The following CCSER1 variants were observed in gnomAD, a reference collection of about 807,000 sequenced individuals.
The protein encoded by CCSER1 is coiled-coil serine rich protein 1, also known as serine-rich coiled-coil domain-containing protein 1.
Under a neutral mutation model 82.0 loss-of-function variants are expected in CCSER1, and 41 were observed. The observed-to-expected ratio is 0.50, with a 90% CI of 0.39 to 0.65. The LOEUF (loss-of-function observed/expected upper bound fraction) is 0.65. Ranked by LOEUF, CCSER1 falls within the 30% of genes least tolerant of loss-of-function variation. The probability of loss-of-function intolerance (pLI) is 0.00; values close to 1 mark genes in which losing one functional copy is unlikely to be tolerated. For missense variants in CCSER1, 1,119 were observed against 1,064.2 expected (o/e 1.05, Z -0.72); for synonymous variants, 414 against 383.9 (o/e 1.08, Z -0.92).
intron 10 of CCSER1, among the ~76,000 whole-genome samples, chr4:91,444,247 G>T (rs184294455): frequency 6.6e-6 from 1 of 152,126 alleles, no homozygotes; most frequent in Non-Finnish European, 1.5e-5. Flanking sequence ...GAAAAGCTTG[G>T]TAGCCACTTA....
chr4:90,199,902 A>G (rs948324961), intron 1 of CCSER1, among the ~76,000 whole-genome samples: 1 of 152,282 alleles, frequency 6.6e-6, no homozygotes, highest in South Asian at 2.1e-4. Flanking sequence ...TAGATTCGCT[A>G]AAGAAGTTTG....
chr4:91,528,709 C>A (rs1760887458), intron 10 of CCSER1, among the ~76,000 whole-genome samples: 1 of 151,840 alleles, frequency 6.6e-6, no homozygotes, highest in Non-Finnish European at 1.5e-5. Flanking sequence ...GTGTAGTAAC[C>A]CACTCCATGC....
intron 10 of CCSER1, among the ~76,000 whole-genome samples, chr4:91,594,414 T>TATATACATATATACAC (rs1227768899): frequency 8.7e-6 from 1 of 114,768 alleles, no homozygotes; most frequent in Non-Finnish European, 2.0e-5. Flanking sequence ...TATATACACA[T>TATATACATATATACAC]ATATATACAT....
At chr4:91,484,910 A>G (rs1758136802) in intron 10 of CCSER1, among the ~76,000 whole-genome samples, 1 of 152,198 alleles carries the variant, frequency 6.6e-6, no homozygotes, top group African/African-American at 2.4e-5. Context: ...TATTACAGTT[A>G]AAATGGTAGC....
chr4:91,171,793 T>C (rs1250167005), intron 10 of CCSER1, among the ~76,000 whole-genome samples: 1 of 152,146 alleles, frequency 6.6e-6, no homozygotes, highest in Non-Finnish European at 1.5e-5. Context: ...CTAGTATACA[T>C]AATTATTTTG....
At chr4:91,263,102 T>A (rs2149168690) in intron 10 of CCSER1, among the ~76,000 whole-genome samples, 1 of 152,122 alleles carries the variant, frequency 6.6e-6, no homozygotes, top group East Asian at 1.9e-4. Flanking sequence ...CATGCATATA[T>A]ATGACAACTG....
chr4:91,090,457 G>A (rs1723829075), intron 10 of CCSER1, among the ~76,000 whole-genome samples: 2 of 152,122 alleles, frequency 1.3e-5, no homozygotes, highest in Non-Finnish European at 2.9e-5. Context: ...CTGTTTTTGT[G>A]GTACCATTAT....
chr4:90,136,475 A>T (rs1343129961), intron 1 of CCSER1, among the ~76,000 whole-genome samples: 1 of 152,244 alleles, frequency 6.6e-6, no homozygotes, highest in Non-Finnish European at 1.5e-5. Flanking sequence ...TGTTGTATTT[A>T]TGTACCTATT....
chr4:91,411,503 T>TAC (rs1251714140), intron 10 of CCSER1, among the ~76,000 whole-genome samples: 5 of 63,240 alleles, frequency 7.9e-5, no homozygotes, highest in African/African-American at 2.7e-4. Context: ...TATATATATA[T>TAC]ATATATATAT....
At chr4:90,534,912 C>T (rs989283394) in intron 5 of CCSER1, among the ~76,000 whole-genome samples, 24 of 152,286 alleles carry the variant, frequency 1.6e-4, no homozygotes, top group African/African-American at 5.8e-4. Context: ...GGACCAGCAG[C>T]ATCCAAATCA....
intron 10 of CCSER1, among the ~76,000 whole-genome samples, chr4:91,588,914 T>C (rs1232824147): frequency 1.3e-5 from 2 of 151,750 alleles, no homozygotes; most frequent in African/African-American, 2.4e-5. Flanking sequence ...CCAAAACTAA[T>C]CTATCTTAAT....
chr4:91,482,307 C>A (rs1414881069), intron 10 of CCSER1, among the ~76,000 whole-genome samples: 1 of 90,310 alleles, frequency 1.1e-5, no homozygotes, highest in Non-Finnish European at 2.1e-5. Flanking sequence ...GAGGCTGAGG[C>A]AGGAGAATGG....
chr4:91,526,091 T>G (rs1222243026), intron 10 of CCSER1, among the ~76,000 whole-genome samples: 3 of 152,178 alleles, frequency 2.0e-5, no homozygotes, highest in Non-Finnish European at 4.4e-5. Flanking sequence ...TTTTCTTCTT[T>G]CCAAATCCAG....
chr4:91,344,341 A>AT (rs1190836491), intron 10 of CCSER1, among the ~76,000 whole-genome samples: 3 of 152,172 alleles, frequency 2.0e-5, no homozygotes, highest in African/African-American at 7.2e-5. Flanking sequence ...AGTCTAAGTT[A>AT]TTTTGTTACA....
chr4:91,399,212 A>G (rs1752173945), intron 10 of CCSER1, among the ~76,000 whole-genome samples: 1 of 151,884 alleles, frequency 6.6e-6, no homozygotes, highest in Non-Finnish European at 1.5e-5. Context: ...ATCATGCAAG[A>G]CATGATAATT....
intron 8 of CCSER1, among the ~76,000 whole-genome samples, chr4:90,831,902 C>T (rs917023264): frequency 1.3e-5 from 2 of 152,046 alleles, no homozygotes; most frequent in Non-Finnish European, 2.9e-5. Flanking sequence ...TCTCTCCCTC[C>T]TCCAATTTTT....
At chr4:90,480,802 C>T (rs948193710) in intron 5 of CCSER1, among the ~76,000 whole-genome samples, 1 of 152,150 alleles carries the variant, frequency 6.6e-6, no homozygotes, top group East Asian at 1.9e-4. Flanking sequence ...AGTTTGAAGT[C>T]AGGTAGCATG....
chr4:90,171,073 C>G (rs1731570966), intron 1 of CCSER1, among the ~76,000 whole-genome samples: 1 of 151,464 alleles, frequency 6.6e-6, no homozygotes, highest in Non-Finnish European at 1.5e-5. Flanking sequence ...GACTTTTATG[C>G]ATTTATGCCT....
chr4:91,033,490 C>G (rs1408389973), intron 9 of CCSER1, among the ~76,000 whole-genome samples: 1 of 152,154 alleles, frequency 6.6e-6, no homozygotes, highest in African/African-American at 2.4e-5. Context: ...GTGGGTGAGA[C>G]AGCCAGCAGT....
Sources: gnomAD v4.1 joint callset for allele counts (sites outside exome capture counted in the v4.1 genomes callset) on GRCh38, gnomAD v4.1.1 for gene constraint, MANE v1.5 for transcripts, NCBI Gene and HGNC (gene_info 2026-07-23, HGNC 2026-07-21) for gene names.